RIC3: variants seen among roughly 807,000 people sequenced by gnomAD.
RIC3 encodes RIC3 acetylcholine receptor chaperone, also known as protein RIC-3.
RIC3 carries 28 observed loss-of-function variants against 27.3 expected under a neutral mutation model. The observed-to-expected ratio is 1.02, with a 90% CI of 0.76 to 1.41. The LOEUF is 1.41. Ranked by LOEUF, RIC3 falls within the 40% of genes most tolerant of loss-of-function variation. RIC3 has a pLI of 0.00. For missense variants in RIC3, 501 were observed against 444.7 expected, an observed-to-expected ratio of 1.13 and a Z score of -1.14; for synonymous variants, 184 against 160.4, an observed-to-expected ratio of 1.15 and a Z score of -1.11.
chr11:8,168,233 A>T (rs529416776), intron 1 of RIC3, among the ~76,000 whole-genome samples: 30 of 152,298 alleles, frequency 2.0e-4, no homozygotes, highest in African/African-American at 7.0e-4. Context: ...AACACCACAT[A>T]CATCATGCCA....
intron 4 of RIC3, among the ~76,000 whole-genome samples, chr11:8,133,659 C>T (rs1211246926): frequency 2.6e-5 from 4 of 152,190 alleles, no homozygotes; most frequent in Non-Finnish European, 5.9e-5. Context: ...GGGCTAGAAC[C>T]TGTGGCCCCT....
chr11:8,166,655 A>C (rs1344940244), intron 1 of RIC3, among the ~76,000 whole-genome samples: 1 of 152,076 alleles, frequency 6.6e-6, no homozygotes, highest in Non-Finnish European at 1.5e-5. Flanking sequence ...GGATCACTTG[A>C]ACCCACGAGT....
chr11:8,126,141 T>C (rs1251112516), intron 5 of RIC3, among the ~76,000 whole-genome samples: 1 of 152,168 alleles, frequency 6.6e-6, no homozygotes, highest in African/African-American at 2.4e-5. Flanking sequence ...CAAAGACTCA[T>C]ATGCAAAAGT....
At chr11:8,112,362 C>T (rs906474902) in intron 5 of RIC3, among the ~76,000 whole-genome samples, 3 of 150,622 alleles carry the variant, frequency 2.0e-5, no homozygotes, top group Non-Finnish European at 4.4e-5. Context: ...GGTGCAATCT[C>T]GGTTCACTGC....
intron 5 of RIC3, among the ~76,000 whole-genome samples, chr11:8,112,292 TTC>T (rs1230825387): frequency 3.2e-5 from 4 of 126,618 alleles, no homozygotes; most frequent in Admixed American, 2.5e-4. Context: ...TTCTTTTCTT[TTC>T]TTTTTTTTTT....
At position 8,134,116 on chromosome 11, in the gene RIC3, G is replaced by C. The variant is rs1013520877; in HGVS notation, c.521+3262C>G. Reference sequence around the variant, plus strand: ...ACCCATCAACTCGTCATTTACATTAGGTATATCTCCTAATGCTATCCCTCC... The same window carrying C: ...ACCCATCAACTCGTCATTTACATTACGTATATCTCCTAATGCTATCCCTCC... On this transcript the variant is annotated intron_variant, in intron 4 of 5. Coordinates refer to ENST00000309737, the MANE Select transcript of RIC3 (RefSeq NM_001206671.4). 2.6e-5 allele frequency among the ~76,000 whole-genome samples: 4 copies of C among 151,962 alleles called. No individual in the cohort carries two copies. In the East Asian group the frequency reaches 7.7e-4, roughly 29 times the overall value.
chr11:8,100,386 T>C, the RIC3 span: 56 of 797,218 alleles, frequency 7.0e-5, no homozygotes, highest in Non-Finnish European at 1.1e-4. Flanking sequence ...GGATGTGTGT[T>C]AGACTTCGGA....
chr11:8,146,750 T>C (rs971803559), intron 1 of RIC3, among the ~76,000 whole-genome samples: 2 of 151,906 alleles, frequency 1.3e-5, no homozygotes, highest in Non-Finnish European at 2.9e-5. Context: ...GGGGGCGGGG[T>C]GCTTCTAGCC....
the RIC3 span, chr11:8,097,337 A>G: frequency 6.2e-7 from 1 of 1,614,142 alleles, no homozygotes; most frequent in Non-Finnish European, 8.5e-7. Context: ...ATCACCATCA[A>G]ATGCCGCATC....
intron 5 of RIC3, among the ~76,000 whole-genome samples, chr11:8,118,752 T>TC (rs35718015): frequency 1.3e-5 from 2 of 151,568 alleles, no homozygotes; most frequent in Non-Finnish European, 2.9e-5. Flanking sequence ...GCACCTGTAG[T>TC]CCCAGCTACT....
intron 5 of RIC3, 37 bp from the exon 6 acceptor site, chr11:8,111,174 G>T (rs760095321): frequency 4.4e-6 from 6 of 1,364,426 alleles, no homozygotes; most frequent in South Asian, 3.0e-5. Flanking sequence ...TACAAAGAAT[G>T]TCTCCTCAAA....
the RIC3 span, among the ~76,000 whole-genome samples, chr11:8,098,506 G>T: frequency 6.6e-6 from 1 of 152,148 alleles, no homozygotes; most frequent in African/African-American, 2.4e-5. Context: ...ATCTTCTGAA[G>T]AATCCTGATT....
chr11:8,110,892 A>G lies in RIC3; in HGVS notation c.916T>C (p.Cys306Arg), dbSNP rs772107881. The part of the protein sequence containing the change: ...CDPKPETCSC[C>R]FHEDEDPAVL... ...GCAGGATCCTCGTCTTCATGAAAAC[A>G]GCAGGAACATGTTTCTGGCTTTGGA... Residue 306 changes from cysteine to arginine, a missense_variant, in exon 6 of 6, where the codon TGT becomes CGT. Coordinates refer to ENST00000309737, the MANE Select transcript of RIC3 (RefSeq NM_001206671.4). The G allele has an allele frequency of 6.2e-7, 1 of 1,614,246 alleles. No individual in the cohort carries two copies. Among genetic ancestry groups the G allele is most frequent in the African/African-American group, 1.3e-5 (1 of 75,064 alleles).
At chr11:8,130,744 G>A (rs1341597273) in intron 4 of RIC3, among the ~76,000 whole-genome samples, 2 of 144,104 alleles carry the variant, frequency 1.4e-5, no homozygotes, top group East Asian at 2.0e-4. Flanking sequence ...AAAGCCTTCA[G>A]AGTCAAAATA....
chr11:8,099,214 T>C, the RIC3 span, among the ~76,000 whole-genome samples: 1 of 151,888 alleles, frequency 6.6e-6, no homozygotes, highest in Non-Finnish European at 1.5e-5. Context: ...TGCCAGGTTC[T>C]ACATGGATTA....
At chr11:8,096,546 G>T in the RIC3 span, 1 of 698,780 alleles carries the variant, frequency 1.4e-6, no homozygotes. Flanking sequence ...TATATGTGTA[G>T]ATATGGCTAA....
chr11:8,163,097 T>C (rs568210866), intron 1 of RIC3, among the ~76,000 whole-genome samples: 36 of 150,092 alleles, frequency 2.4e-4, no homozygotes, highest in Middle Eastern at 3.4e-3. Context: ...AACTGCCTCC[T>C]CAATTTAGCC....
At chr11:8,125,839 G>A (rs1208442558) in intron 5 of RIC3, among the ~76,000 whole-genome samples, 5 of 152,176 alleles carry the variant, frequency 3.3e-5, no homozygotes, top group African/African-American at 1.2e-4. Flanking sequence ...AGGAGTTTGA[G>A]ACCAGCCTGG....
intron 3 of RIC3, 146 bp from the exon 4 acceptor site, chr11:8,137,617 T>G (rs1948577485): frequency 3.7e-6 from 2 of 534,618 alleles, no homozygotes; most frequent in Admixed American, 3.3e-5. Flanking sequence ...TAAAGGATTC[T>G]GTGAATATTT....
Sources: allele counts gnomAD v4.1 joint callset (sites outside exome capture counted in the v4.1 genomes callset), GRCh38; gene constraint gnomAD v4.1.1; transcripts MANE v1.5; gene names NCBI Gene and HGNC (gene_info 2026-07-23, HGNC 2026-07-21).